Variants in SLCO6A1 observed in about 807,000 individuals in gnomAD.
SLCO6A1 encodes the protein solute carrier organic anion transporter family member 6A1.
A neutral mutation model predicts 72.7 loss-of-function variants in SLCO6A1; 65 were observed. The ratio of observed to expected loss-of-function variants is 0.89; its 90% CI spans 0.73 to 1.10. SLCO6A1 has a LOEUF of 1.10. Among genes scored for constraint, SLCO6A1 ranks in the 50% least tolerant of loss-of-function variants. SLCO6A1 has a pLI of 0.00. For missense variants in SLCO6A1, 874 were observed against 872.6 expected (o/e 1.00, Z -0.02); for synonymous variants, 314 against 298.2 (o/e 1.05, Z -0.55).
At chr5:102,461,012 T>A (rs1036883689) in intron 4 of SLCO6A1, among the ~76,000 whole-genome samples, 3 of 132,904 alleles carry the variant, frequency 2.3e-5, no homozygotes, top group African/African-American at 8.4e-5. Flanking sequence ...GGCTGCATGT[T>A]TCCTCATTGA....
intron 6 of SLCO6A1, among the ~76,000 whole-genome samples, chr5:102,455,027 T>TATATATATATATATAA (rs144619414): frequency 7.1e-6 from 1 of 141,830 alleles, no homozygotes; most frequent in African/African-American, 2.7e-5. Flanking sequence ...TATATATATA[T>TATATATATATATATAA]AAATTATGTT....
chr5:102,439,335 A>G (rs1414253033), intron 6 of SLCO6A1, among the ~76,000 whole-genome samples: 2 of 152,218 alleles, frequency 1.3e-5, no homozygotes, highest in Admixed American at 1.3e-4. Flanking sequence ...ATGGTTTATT[A>G]TTATCTAATA....
chr5:102,447,526 T>C (rs1180516676), intron 6 of SLCO6A1, among the ~76,000 whole-genome samples: 2 of 152,190 alleles, frequency 1.3e-5, no homozygotes, highest in Non-Finnish European at 1.5e-5. Flanking sequence ...TTGGTCGTTT[T>C]TCTTATAATT....
intron 5 of SLCO6A1, 67 bp downstream of exon 5, chr5:102,459,589 T>G: frequency 6.9e-6 from 10 of 1,450,690 alleles, no homozygotes; most frequent in Non-Finnish European, 9.2e-6. Context: ...AGTCATTCTA[T>G]GAGAATAAGA....
chr5:102,373,944 T>C (rs1032601370), intron 12 of SLCO6A1, among the ~76,000 whole-genome samples: 1 of 152,208 alleles, frequency 6.6e-6, no homozygotes, highest in Non-Finnish European at 1.5e-5. Flanking sequence ...CTGCAGAAAG[T>C]TAATACATTA....
intron 1 of SLCO6A1, among the ~76,000 whole-genome samples, chr5:102,487,947 G>A (rs1361646427): frequency 2.6e-5 from 4 of 152,168 alleles, no homozygotes; most frequent in African/African-American, 9.6e-5. Flanking sequence ...AAAGCACAAA[G>A]TTAGGACCAA....
rs1160015441 is a variant in SLCO6A1, at chr5:102,373,396, C to A, written c.2116G>T (p.Val706Leu). The A allele has an allele frequency of 6.3e-7, 1 of 1,581,164 alleles. No homozygotes were observed. Among genetic ancestry groups the A allele is most frequent in the Non-Finnish European group, 8.6e-7 (1 of 1,166,784 alleles). The change falls in exon 13 of 14, where the codon GTG (valine) becomes TTG (leucine). Residue 706 changes from valine (V) to leucine (L), a missense_variant. Coordinates refer to ENST00000506729, the MANE Select transcript of SLCO6A1 (RefSeq NM_173488.5). ...TTTTTCTTAACTTTTGGATTCTTCA[C>A]AGTTACATCTGGGAAGTCAGTGTTC... is the stretch of plus-strand genomic sequence containing the variant. ...NENTDFPDVT[V>L]KNPKVKKKEE... is the part of the protein sequence containing the mutation.
intron 8 of SLCO6A1, among the ~76,000 whole-genome samples, chr5:102,414,841 G>A (rs1473620371): frequency 1.3e-5 from 2 of 152,144 alleles, no homozygotes; most frequent in Admixed American, 1.3e-4. Context: ...GTTGCAGTGA[G>A]CTGAGATTGT....
intron 12 of SLCO6A1, among the ~76,000 whole-genome samples, chr5:102,385,412 T>C (rs1030549905): frequency 2.0e-5 from 3 of 152,190 alleles, no homozygotes; most frequent in Non-Finnish European, 2.9e-5. Flanking sequence ...TATCTTTCTC[T>C]GTTCCTTCTG....
chr5:102,396,914 G>A (rs538974088), intron 10 of SLCO6A1, among the ~76,000 whole-genome samples: 1 of 152,226 alleles, frequency 6.6e-6, no homozygotes, highest in East Asian at 1.9e-4. Context: ...CTCTTACAGA[G>A]CCATGAATGC....
chr5:102,482,458 G>A (rs756318642), intron 1 of SLCO6A1, among the ~76,000 whole-genome samples: 4 of 152,024 alleles, frequency 2.6e-5, no homozygotes, highest in Non-Finnish European at 4.4e-5. Flanking sequence ...CCCCTTGATC[G>A]CAGATAACAT....
intron 10 of SLCO6A1, among the ~76,000 whole-genome samples, chr5:102,397,925 G>A (rs1747186645): frequency 6.6e-6 from 1 of 152,104 alleles, no homozygotes; most frequent in Admixed American, 6.6e-5. Context: ...AGAGAAGTGA[G>A]ATTCAGAACT....
At position 102,406,719 on chromosome 5, in the gene SLCO6A1, T is replaced by C. The variant is rs189046950; in HGVS notation, c.1626+6271A>G. ...AATGAATAACATAGCTTAAATTATG[T>C]AGAATTTCACCAGAGATTTGTATTC... On this transcript the variant is annotated intron_variant, in intron 9 of 13. Transcript: ENST00000506729. 1.9e-3 allele frequency among the ~76,000 whole-genome samples: 282 copies of C among 152,264 alleles called. 2 individuals carry two copies. Among genetic ancestry groups the C allele is most frequent in the Middle Eastern group, 3.4e-3 (1 of 294 alleles).
chr5:102,406,832 G>T (rs551948635), intron 9 of SLCO6A1, among the ~76,000 whole-genome samples: 3 of 152,148 alleles, frequency 2.0e-5, no homozygotes, highest in African/African-American at 7.2e-5. Flanking sequence ...AGACACTGCG[G>T]AATAGAGGCT....
intron 11 of SLCO6A1, among the ~76,000 whole-genome samples, chr5:102,389,971 C>T (rs1387451937): frequency 6.6e-6 from 1 of 152,094 alleles, no homozygotes; most frequent in Non-Finnish European, 1.5e-5. Context: ...AACTCCTGGC[C>T]TCAAGCCATC....
chr5:102,383,130 A>C (rs1746219291), intron 12 of SLCO6A1, among the ~76,000 whole-genome samples: 1 of 138,500 alleles, frequency 7.2e-6, no homozygotes, highest in African/African-American at 2.5e-5. Context: ...ATACATAAAT[A>C]ATGTCATTTG....
At chr5:102,401,296 G>C (rs1747385863) in intron 9 of SLCO6A1, among the ~76,000 whole-genome samples, 1 of 152,082 alleles carries the variant, frequency 6.6e-6, no homozygotes, top group African/African-American at 2.4e-5. Context: ...AGGAGACTAA[G>C]AGAAAATAAA....
At position 102,434,273 on chromosome 5, in the gene SLCO6A1, G is replaced by A. The variant is rs527561559; in HGVS notation, c.1276+4344C>T. 2.6e-5 allele frequency among the ~76,000 whole-genome samples: 4 copies of A among 152,194 alleles called. No individual in the cohort carries two copies. The South Asian group carries it at 8.3e-4, about 32-fold the overall frequency. On this transcript the variant is annotated intron_variant, in intron 7 of 13. Coordinates refer to ENST00000506729, the MANE Select transcript of SLCO6A1 (RefSeq NM_173488.5). ...TTTGCTTAGAATTTTGGAAGACAGA[G>A]AGAGTGTCCCCTCTGGACACTCTTT... is the stretch of plus-strand genomic sequence containing the variant.
rs1442229879 is a variant in SLCO6A1 at position 102,498,807 on chromosome 5, T to C, written c.38A>G (p.Asp13Gly). Residue 13 changes from aspartate (D) to glycine (G), a missense_variant, in exon 1 of 14, where the codon GAT (aspartate) becomes GGT (glycine). Transcript: ENST00000506729. ...CGGCTCTACTCCCCTTGAGACTTCA[T>C]CCTGGCTCCCAGAGTGCCGGGCGAC... ...VGVARHSGSQ[D>G]EVSRGVEPLE... is the part of the protein sequence containing the mutation. The C allele has an allele frequency of 1.2e-6, 2 of 1,613,372 alleles. No homozygotes were observed. The highest frequency in any genetic ancestry group is 1.7e-6 in the Non-Finnish European group (2 of 1,179,836).
Sources: allele counts gnomAD v4.1 joint callset (sites outside exome capture counted in the v4.1 genomes callset), GRCh38; gene constraint gnomAD v4.1.1; transcripts MANE v1.5; gene names NCBI Gene and HGNC (gene_info 2026-07-23, HGNC 2026-07-21).